Variants in PAN3 observed in about 807,000 individuals in gnomAD.
PAN3 encodes the protein PAN2-PAN3 deadenylation complex subunit PAN3.
PAN3 carries 19 observed loss-of-function variants against 96.2 expected under a neutral mutation model. The ratio of observed to expected loss-of-function variants is 0.20; its 90% CI spans 0.14 to 0.29. The LOEUF (loss-of-function observed/expected upper bound fraction) is 0.29, where lower values mean the gene tolerates loss of function less well. Among genes scored for constraint, PAN3 ranks in the 10% least tolerant of loss-of-function variants. The probability of loss-of-function intolerance (pLI) is 1.00; values close to 1 mark genes in which losing one functional copy is unlikely to be tolerated. For missense variants in PAN3, 882 were observed against 1,108.1 expected, an observed-to-expected ratio of 0.80 and a Z score of 2.90; for synonymous variants, 433 against 406.6, an observed-to-expected ratio of 1.06 and a Z score of -0.78.
chr13:28,150,676 A>G (rs575357096), intron 1 of PAN3, among the ~76,000 whole-genome samples: 2 of 152,160 alleles, frequency 1.3e-5, no homozygotes, highest in South Asian at 2.1e-4. Context: ...TATATAGGTA[A>G]TATCTTTGAA....
intron 14 of PAN3, among the ~76,000 whole-genome samples, chr13:28,272,569 ACT>A (rs1411675210): frequency 6.2e-5 from 9 of 145,618 alleles, no homozygotes; most frequent in African/African-American, 1.8e-4. Flanking sequence ...AATGTCAGAG[ACT>A]CTTTTTTTTT....
chr13:28,163,263 A>G (rs1489704996), intron 1 of PAN3, among the ~76,000 whole-genome samples: 1 of 152,224 alleles, frequency 6.6e-6, no homozygotes, highest in East Asian at 1.9e-4. Context: ...AATACCTGAA[A>G]ATGTAAAGGC....
At chr13:28,217,509 G>A (rs1281725151) in intron 5 of PAN3, among the ~76,000 whole-genome samples, 5 of 151,846 alleles carry the variant, frequency 3.3e-5, no homozygotes, top group African/African-American at 7.3e-5. Flanking sequence ...TTGAACCTGC[G>A]AGGCGGAAGT....
At position 28,240,438 on chromosome 13, in the gene PAN3, T is replaced by G. The variant is rs181411969; in HGVS notation, c.1001-15854T>G. Among the ~76,000 whole-genome samples the G allele has an allele frequency of 2.7e-3, 412 of 152,296 alleles. 1 individual carries two copies. The highest frequency in any genetic ancestry group is 4.2e-3 in the Non-Finnish European group (284 of 68,020). On this transcript the variant is annotated intron_variant, in intron 6 of 18. Coordinates refer to ENST00000380958, the MANE Select transcript of PAN3 (RefSeq NM_175854.8). The stretch of plus-strand genomic sequence containing the variant: ...TGTGATAACGCATATAATTTTGTTA[T>G]TTAAGAATTAAAAGATTATAAATGT...
Position 28,261,832 on chromosome 13 carries a change from C to CAAA in PAN3, c.1411+391_1411+393dup, listed in dbSNP as rs10636889. Among the ~76,000 whole-genome samples, 29 of 112,592 alleles carry CAAA rather than the reference C, an allele frequency of 2.6e-4. 1 individual carries two copies. Among genetic ancestry groups the CAAA allele is most frequent in the African/African-American group, 4.0e-4 (11 of 27,388 alleles). 73.9% of individuals were successfully genotyped at this position (112,592 alleles called of 152,430 possible). A position where few individuals can be genotyped will look rare whatever the true frequency, so the allele number is the denominator to read the frequency against. ...GGGGTGACAGAGTGAGACCCTGTCT[C>CAAA]AAAAAAAAAAAAAAAAAAAGGACAG... On this transcript the variant is annotated intron_variant, in intron 9 of 18. Transcript: ENST00000380958.
intron 4 of PAN3, among the ~76,000 whole-genome samples, chr13:28,190,000 A>G (rs1429098939): frequency 1.3e-5 from 2 of 152,128 alleles, no homozygotes; most frequent in Non-Finnish European, 2.9e-5. Context: ...CTGGAGTCCA[A>G]TGACACAATC....
intron 8 of PAN3, 88 bp downstream of exon 8, chr13:28,260,639 A>T (rs1267156948): frequency 8.3e-5 from 91 of 1,089,972 alleles, no homozygotes; most frequent in Non-Finnish European, 1.1e-4. Context: ...TTCAAATCAT[A>T]TTATTTAATC....
At chr13:28,229,033 G>C (rs1385481930) in intron 6 of PAN3, among the ~76,000 whole-genome samples, 10 of 152,318 alleles carry the variant, frequency 6.6e-5, no homozygotes, top group Admixed American at 5.2e-4. Flanking sequence ...TAGAAAGGAA[G>C]GGGAAGAGCA....
At chr13:28,258,271 C>A (rs979648866) in intron 7 of PAN3, among the ~76,000 whole-genome samples, 2 of 152,128 alleles carry the variant, frequency 1.3e-5, no homozygotes, top group Non-Finnish European at 2.9e-5. Context: ...CAGCGCAAAT[C>A]AGCTGAATTC....
chr13:28,260,589 C>T (rs1279601349), intron 8 of PAN3, 38 bp downstream of exon 8: 1 of 1,483,166 alleles, frequency 6.7e-7, no homozygotes, highest in East Asian at 2.3e-5. Context: ...TACTTAATGT[C>T]TCCTGTGCTT....
Position 28,275,166 on chromosome 13 carries a change from C to T in PAN3, c.2050-2071C>T, listed in dbSNP as rs1276050593. Among the ~76,000 whole-genome samples the T allele has an allele frequency of 2.6e-5, 4 of 152,004 alleles. No individual in the cohort carries two copies. The East Asian group carries it at 7.7e-4, about 29-fold the overall frequency. ...TTACTGGGTTTTACGGTGTGAAACT[C>T]TCTTAAGATTTTATTAACTTCTTTT... On this transcript the variant is annotated intron_variant, in intron 14 of 18. Transcript: ENST00000380958.
At chr13:28,239,105 A>C (rs1883367786) in intron 6 of PAN3, among the ~76,000 whole-genome samples, 1 of 150,642 alleles carries the variant, frequency 6.6e-6, no homozygotes, top group South Asian at 2.1e-4. Context: ...CTAGATATCC[A>C]AACTGCTTTT....
At chr13:28,273,337 C>T (rs750535438) in intron 14 of PAN3, among the ~76,000 whole-genome samples, 8 of 152,124 alleles carry the variant, frequency 5.3e-5, no homozygotes, top group Admixed American at 2.0e-4. Flanking sequence ...TGTGGTGGCT[C>T]ACACCTGTAA....
At chr13:28,244,024 TGC>T (rs1331544400) in intron 6 of PAN3, among the ~76,000 whole-genome samples, 3 of 152,188 alleles carry the variant, frequency 2.0e-5, no homozygotes, top group Non-Finnish European at 4.4e-5. Context: ...TCAGAAAAGA[TGC>T]ATCTTTTTAA....
intron 1 of PAN3, among the ~76,000 whole-genome samples, chr13:28,172,453 C>T (rs1363012235): frequency 2.6e-5 from 4 of 151,272 alleles, no homozygotes; most frequent in African/African-American, 7.3e-5. Flanking sequence ...GAGACTCTGT[C>T]TCAAAAAAAA....
At chr13:28,284,649 AGTC>A (rs1255340406) in intron 17 of PAN3, among the ~76,000 whole-genome samples, 1 of 152,224 alleles carries the variant, frequency 6.6e-6, no homozygotes, top group Non-Finnish European at 1.5e-5. Flanking sequence ...ACTACCTAGT[AGTC>A]CAAAAGCTGT....
Position 28,277,364 on chromosome 13 carries a change from A to G in PAN3, c.2177A>G (p.Lys726Arg). The G allele has an allele frequency of 6.2e-7, 1 of 1,609,924 alleles. No homozygotes were observed. The highest frequency in any genetic ancestry group is 8.5e-7 in the Non-Finnish European group (1 of 1,178,634). The change falls in exon 15 of 19, where the codon AAG becomes AGG. Residue 726 changes from lysine (K) to arginine (R), a missense_variant. Lys to Arg is a conservative substitution (Grantham distance 26). Around this residue, in one of 3 missense-constraint regions of PAN3, gnomAD observed 364 missense variants for 513.6 expected, o/e 0.71. Transcript: ENST00000380958. ...LVTINYSSDL[K>R]NLILYLLTDQ... ...ACAATCAACTATTCCTCTGACCTGAAGAATCTGATTTTGTAAGTTTTAATA... is the reference window on the plus strand; with the variant it reads ...ACAATCAACTATTCCTCTGACCTGAGGAATCTGATTTTGTAAGTTTTAATA...
chr13:28,217,596 A>C (rs374791473), intron 5 of PAN3, among the ~76,000 whole-genome samples: 1 of 148,834 alleles, frequency 6.7e-6, no homozygotes, highest in Admixed American at 6.7e-5. Flanking sequence ...ACAAAAAAAA[A>C]ACAAAAAAAA....
intron 4 of PAN3, among the ~76,000 whole-genome samples, chr13:28,193,356 A>C (rs1877525739): frequency 6.6e-6 from 1 of 152,210 alleles, no homozygotes; most frequent in South Asian, 2.1e-4. Flanking sequence ...ATGGAGTGGA[A>C]GGAGAGGAAT....
Sources: allele counts gnomAD v4.1 joint callset (sites outside exome capture counted in the v4.1 genomes callset), GRCh38; gene constraint gnomAD v4.1.1; regional missense constraint gnomAD v4.1.1; transcripts MANE v1.5; gene names NCBI Gene and HGNC (gene_info 2026-07-23, HGNC 2026-07-21).